Variants in CADPS2 observed in about 807,000 individuals in gnomAD.
CADPS2 encodes the protein calcium-dependent secretion activator 2.
In CADPS2, 93 loss-of-function variants were observed where a neutral mutation model predicts 172.5. The ratio of observed to expected loss-of-function variants is 0.54; its 90% CI spans 0.46 to 0.64. CADPS2 has a LOEUF of 0.64. Among genes scored for constraint, CADPS2 ranks in the 30% least tolerant of loss-of-function variants. The pLI is 0.00. For missense variants in CADPS2, 1,420 were observed against 1,565.9 expected (o/e 0.91, Z 1.57); for synonymous variants, 546 against 555.2 (o/e 0.98, Z 0.23).
At chr7:122,422,913 C>T (rs571425514) in intron 17 of CADPS2, among the ~76,000 whole-genome samples, 2 of 151,912 alleles carry the variant, frequency 1.3e-5, no homozygotes, top group Admixed American at 6.6e-5. Context: ...GAGCCGAGAT[C>T]GCGCCACTGC....
At chr7:122,530,248 A>G (rs759335227) in intron 8 of CADPS2, among the ~76,000 whole-genome samples, 10 of 151,994 alleles carry the variant, frequency 6.6e-5, no homozygotes, top group Non-Finnish European at 1.3e-4. Context: ...AATTCTAACA[A>G]ATTTCAATAT....
At chr7:122,829,192 G>A (rs570882185) in intron 1 of CADPS2, among the ~76,000 whole-genome samples, 17 of 152,196 alleles carry the variant, frequency 1.1e-4, no homozygotes, top group African/African-American at 4.1e-4. Flanking sequence ...ATAGAACCTA[G>A]GTATTATCTT....
At chr7:122,365,903 C>T (rs914769607) in intron 25 of CADPS2, among the ~76,000 whole-genome samples, 7 of 152,096 alleles carry the variant, frequency 4.6e-5, no homozygotes, top group African/African-American at 9.7e-5. Flanking sequence ...CTCTAAGTGA[C>T]GGGAGGATTC....
chr7:122,338,645 T>G (rs767506332), intron 28 of CADPS2, among the ~76,000 whole-genome samples: 2 of 152,166 alleles, frequency 1.3e-5, no homozygotes, highest in Non-Finnish European at 2.9e-5. Flanking sequence ...AATACCCTAA[T>G]GGGAATCTAT....
At chr7:122,546,963 G>A (rs2063685760) in intron 8 of CADPS2, among the ~76,000 whole-genome samples, 1 of 152,024 alleles carries the variant, frequency 6.6e-6, no homozygotes, top group Non-Finnish European at 1.5e-5. Flanking sequence ...AATAAATACT[G>A]AAATAAATAT....
intron 2 of CADPS2, among the ~76,000 whole-genome samples, chr7:122,729,273 A>G (rs2091414492): frequency 1.3e-5 from 2 of 151,776 alleles, no homozygotes; most frequent in Non-Finnish European, 2.9e-5. Context: ...ATCTGTTGAT[A>G]GACACTTAGG....
intron 11 of CADPS2, 52 bp downstream of exon 11, chr7:122,490,029 A>G: frequency 6.7e-7 from 1 of 1,492,764 alleles, no homozygotes. Context: ...TCAATTTTAT[A>G]TCTTATTAAG....
At chr7:122,386,172 A>T in intron 24 of CADPS2, 2 of 674,658 alleles carry the variant, frequency 3.0e-6, no homozygotes, top group South Asian at 8.1e-5. Context: ...GCGAACACAG[A>T]AGCCAAAAAT....
chr7:122,773,470 C>T lies in CADPS2; in HGVS notation c.340-36402G>A, dbSNP rs183433101. On this transcript the variant is annotated intron_variant, in intron 1 of 29. Transcript: ENST00000449022. The stretch of plus-strand genomic sequence containing the variant: ...GACATTGTTTAAACTTTAAAGATAC[C>T]TTCGGAAAAGATAGAAAAGATAAAT... Among the ~76,000 whole-genome samples, 4 of 151,934 alleles carry T rather than the reference C, an allele frequency of 2.6e-5. No individual in the cohort carries two copies. The East Asian group carries it at 7.8e-4, about 29-fold the overall frequency.
At chr7:122,480,161 C>T in intron 12 of CADPS2, 1 of 468,436 alleles carries the variant, frequency 2.1e-6, no homozygotes, top group Non-Finnish European at 4.5e-6. Flanking sequence ...CACTCTCTTC[C>T]CTTAGAATTT....
At chr7:122,375,940 T>C (rs2042290188) in intron 25 of CADPS2, among the ~76,000 whole-genome samples, 1 of 151,698 alleles carries the variant, frequency 6.6e-6, no homozygotes, top group Non-Finnish European at 1.5e-5. Flanking sequence ...AAGCACTACA[T>C]CTCTAATGAA....
chr7:122,825,267 T>C (rs761272225), intron 1 of CADPS2, among the ~76,000 whole-genome samples: 18 of 152,054 alleles, frequency 1.2e-4, no homozygotes, highest in East Asian at 5.8e-4. Context: ...CTTTGTAAAA[T>C]AGAAAATAAC....
At chr7:122,481,304 C>A (rs2057279985) in intron 11 of CADPS2, among the ~76,000 whole-genome samples, 1 of 151,954 alleles carries the variant, frequency 6.6e-6, no homozygotes, top group Non-Finnish European at 1.5e-5. Flanking sequence ...ACTTTACTAG[C>A]AGCCTGGAAT....
intron 7 of CADPS2, among the ~76,000 whole-genome samples, chr7:122,567,922 T>A (rs571681231): frequency 6.6e-6 from 1 of 152,040 alleles, no homozygotes; most frequent in Non-Finnish European, 1.5e-5. Flanking sequence ...AATGACAGAT[T>A]TAAGCTTAAC....
intron 20 of CADPS2, among the ~76,000 whole-genome samples, chr7:122,393,860 A>C (rs2044718669): frequency 6.6e-6 from 1 of 152,152 alleles, no homozygotes; most frequent in Non-Finnish European, 1.5e-5. Flanking sequence ...TAAGAGGTTT[A>C]ACACATAGGC....
chr7:122,725,418 G>T (rs899661165), intron 2 of CADPS2, among the ~76,000 whole-genome samples: 1 of 151,788 alleles, frequency 6.6e-6, no homozygotes, highest in South Asian at 2.1e-4. Context: ...TAGATTGATT[G>T]ATTTAGGGGG....
At chr7:122,414,174 TTCAGTATA>T in intron 18 of CADPS2, 98 bp from the exon 19 acceptor site, 1 of 790,932 alleles carries the variant, frequency 1.3e-6, no homozygotes, top group African/African-American at 1.8e-5. Context: ...AGTCCTATAT[TTCAGTATA>T]TCGTATAGTG....
chr7:122,699,484 G>C (rs1449049413), intron 2 of CADPS2, among the ~76,000 whole-genome samples: 2 of 152,174 alleles, frequency 1.3e-5, no homozygotes, highest in Non-Finnish European at 2.9e-5. Context: ...GACCGGATGT[G>C]AGGCAAAAGT....
At position 122,554,632 on chromosome 7, in the gene CADPS2, C is replaced by T. The variant is rs759648995; in HGVS notation, c.1393G>A (p.Val465Ile). Residue 465 changes from valine (V) to isoleucine (I), a missense_variant, in exon 8 of 30, where the codon GTT becomes ATT. Physicochemically the swap from Val to Ile is conservative, Grantham distance 29. Coordinates refer to ENST00000449022, the MANE Select transcript of CADPS2 (RefSeq NM_017954.11). Reference sequence around the variant, plus strand: ...TCAGAATCCTGGCTATTTTTTGGAACTACCATTCGGTGTAATTCAGCTGAT... The same window carrying T: ...TCAGAATCCTGGCTATTTTTTGGAATTACCATTCGGTGTAATTCAGCTGAT... ...SKSAELHRMV[V>I]PKNSQDSDLK... is the part of the protein sequence containing the mutation. 6.2e-7 allele frequency: 1 copy of T among 1,611,604 alleles called. No individual in the cohort carries two copies. The highest frequency in any genetic ancestry group is 8.5e-7 in the Non-Finnish European group (1 of 1,178,706).
Sources: gnomAD v4.1 joint callset for allele counts (sites outside exome capture counted in the v4.1 genomes callset) on GRCh38, gnomAD v4.1.1 for gene constraint, MANE v1.5 for transcripts, NCBI Gene and HGNC (gene_info 2026-07-23, HGNC 2026-07-21) for gene names.